PIBF1: variants seen among roughly 807,000 people sequenced by gnomAD.
The protein encoded by PIBF1 is progesterone-induced-blocking factor 1.
In PIBF1, 90 loss-of-function variants were observed where a neutral mutation model predicts 112.5. That is an observed-to-expected ratio of 0.80 (90% CI 0.67 to 0.95). PIBF1 has a LOEUF of 0.95. Among genes scored for constraint, PIBF1 ranks in the 40% least tolerant of loss-of-function variants. The pLI is 0.00. For missense variants in PIBF1, 915 were observed against 852.3 expected, an observed-to-expected ratio of 1.07 and a Z score of -0.92; for synonymous variants, 301 against 288.6, an observed-to-expected ratio of 1.04 and a Z score of -0.44.
chr13:72,784,762 AAATAAT>A (rs944923595), intron 2 of PIBF1, among the ~76,000 whole-genome samples: 2 of 152,154 alleles, frequency 1.3e-5, no homozygotes, highest in South Asian at 2.1e-4. Flanking sequence ...TATCTCAAAA[AAATAAT>A]AATAATAATT....
intron 16 of PIBF1, among the ~76,000 whole-genome samples, chr13:72,975,914 AT>A (rs879285262): frequency 2.9e-4 from 44 of 152,212 alleles, no homozygotes; most frequent in Admixed American, 1.4e-3. Flanking sequence ...TATCAACTAC[AT>A]TTTTTTAAAG....
intron 16 of PIBF1, among the ~76,000 whole-genome samples, chr13:72,995,792 A>G (rs76117400): frequency 0.1 from 15,598 of 151,860 alleles, 2,304 homozygotes; most frequent in African/African-American, 0.33. Context: ...TCTATTAAAA[A>G]TACAAAAATT....
chr13:72,858,508 G>T (rs190433794), intron 10 of PIBF1, among the ~76,000 whole-genome samples: 98 of 152,290 alleles, frequency 6.4e-4, no homozygotes, highest in African/African-American at 2.2e-3. Context: ...TACTCTTACA[G>T]AATACAACAA....
chr13:72,790,510 CATAGATAGATAGATAGATAGATAG>C (rs3078582), intron 2 of PIBF1, among the ~76,000 whole-genome samples: 39 of 140,150 alleles, frequency 2.8e-4, no homozygotes, highest in South Asian at 7.1e-4. Context: ...CACACACACA[CATAGATAGATAGATAGATAGATAG>C]ATAGATAGAT....
intron 13 of PIBF1, among the ~76,000 whole-genome samples, chr13:72,928,489 G>C (rs1199892470): frequency 1.3e-5 from 2 of 152,100 alleles, no homozygotes; most frequent in Non-Finnish European, 2.9e-5. Context: ...CCCCAGGCTG[G>C]AGTGTGATGG....
chr13:72,813,642 C>T (rs1008214175), intron 5 of PIBF1, among the ~76,000 whole-genome samples: 2 of 152,294 alleles, frequency 1.3e-5, no homozygotes, highest in South Asian at 4.1e-4. Flanking sequence ...AGTCTCACAG[C>T]ATGGCAGCTG....
intron 10 of PIBF1, among the ~76,000 whole-genome samples, chr13:72,856,413 C>G (rs1228554327): frequency 1.3e-5 from 2 of 152,070 alleles, no homozygotes; most frequent in Non-Finnish European, 2.9e-5. Context: ...ATAGTAAAGC[C>G]TTGCTTATTC....
chr13:72,998,848 C>T lies in PIBF1; in HGVS notation c.2076C>T (p.Leu692=), dbSNP rs374585242. 48 of 1,611,658 alleles carry T rather than the reference C, an allele frequency of 3.0e-5. No individual in the cohort carries two copies. Among genetic ancestry groups the T allele is most frequent in the Non-Finnish European group, 3.9e-5 (46 of 1,178,936 alleles). Residue 692 remains leucine (L), a synonymous_variant, in exon 17 of 18, where the codon CTC becomes CTT. Transcript: ENST00000326291. ...AATTGGCAGCAATGAAACAGATTCTCGTTAAGATGCATAGTAAACATTCTG... is the reference window on the plus strand; with the variant it reads ...AATTGGCAGCAATGAAACAGATTCTTGTTAAGATGCATAGTAAACATTCTG... ...REELAAMKQI[L]VKMHSKHSEN...
At position 72,870,509 on chromosome 13, in the gene PIBF1, G is replaced by A. The variant is rs112673916; in HGVS notation, c.1322+16354G>A. Among the ~76,000 whole-genome samples the A allele has an allele frequency of 3.0e-3, 463 of 152,264 alleles. 4 individuals are homozygous for A. The highest frequency in any genetic ancestry group is 0.01 in the African/African-American group (432 of 41,552). ...AAGTATCTCTCTAAACTTTCCTATG[G>A]TGGGCTAGAAATTGTTCAAGTCAAT... On this transcript the variant is annotated intron_variant, in intron 10 of 17. Transcript: ENST00000326291.
In PIBF1 at chr13:72,864,546, C is replaced by T. The variant is rs1022463485; in HGVS notation, c.1322+10391C>T. Among the ~76,000 whole-genome samples, 7 of 151,918 alleles carry T rather than the reference C, an allele frequency of 4.6e-5. No homozygotes were observed. The East Asian group carries it at 5.8e-4, about 13-fold the overall frequency. ...AAAGTAAGAGTGAGTTGTGTGTGTG[C>T]GCATGTGCGTGCATGTGTGTGTGTT... On this transcript the variant is annotated intron_variant, in intron 10 of 17. Coordinates refer to ENST00000326291, the MANE Select transcript of PIBF1 (RefSeq NM_006346.4).
rs2041762469 is a variant in PIBF1 at position 72,933,129 on chromosome 13, A to G, written c.1833+1862A>G. 3.3e-5 allele frequency among the ~76,000 whole-genome samples: 5 copies of G among 152,358 alleles called. No individual in the cohort carries two copies. In the South Asian group the frequency reaches 8.3e-4, roughly 25 times the overall value. ...CAAACAAACCTCTGTTTGCTAATAT[A>G]TTGTAGATCCCTCATGTTGCCTTTA... On this transcript the variant is annotated intron_variant, in intron 14 of 17. Transcript: ENST00000326291.
At chr13:72,956,024 G>A (rs1289914673) in intron 14 of PIBF1, among the ~76,000 whole-genome samples, 1 of 151,998 alleles carries the variant, frequency 6.6e-6, no homozygotes, top group East Asian at 1.9e-4. Context: ...CTGATAATTA[G>A]CCTATAAATA....
intron 4 of PIBF1, among the ~76,000 whole-genome samples, 186 bp from the exon 5 acceptor site, chr13:72,797,721 C>G (rs1270374235): frequency 1.3e-5 from 2 of 152,056 alleles, no homozygotes; most frequent in African/African-American, 4.8e-5. Flanking sequence ...TCATCTGGCC[C>G]TTGAGGGAAG....
In PIBF1 at chr13:72,805,825, A is replaced by G. The variant is rs546529093; in HGVS notation, c.672+7799A>G. Among the ~76,000 whole-genome samples the G allele has an allele frequency of 3.9e-5, 6 of 152,296 alleles. No individual in the cohort carries two copies. In the South Asian group the frequency reaches 1.2e-3, roughly 32 times the overall value. Reference sequence around the variant, plus strand: ...AAGACCTCCACACTTAAAACTGATAAAGCACTCTTTTATGCTTACTGAGCT... The same window carrying G: ...AAGACCTCCACACTTAAAACTGATAGAGCACTCTTTTATGCTTACTGAGCT... On this transcript the variant is annotated intron_variant, in intron 5 of 17. Coordinates refer to ENST00000326291, the MANE Select transcript of PIBF1 (RefSeq NM_006346.4).
chr13:72,862,910 A>G (rs914653885), intron 10 of PIBF1, among the ~76,000 whole-genome samples: 11 of 152,224 alleles, frequency 7.2e-5, no homozygotes, highest in Admixed American at 2.0e-4. Flanking sequence ...TTGGTTACAA[A>G]AGATTGTAAT....
At chr13:72,938,116 A>G (rs918983986) in intron 14 of PIBF1, among the ~76,000 whole-genome samples, 3 of 152,220 alleles carry the variant, frequency 2.0e-5, no homozygotes, top group Non-Finnish European at 2.9e-5. Flanking sequence ...TCTAGGTTAA[A>G]ATGCAATTCT....
chr13:72,867,734 A>T (rs909969859), intron 10 of PIBF1, among the ~76,000 whole-genome samples: 2 of 152,242 alleles, frequency 1.3e-5, no homozygotes, highest in Non-Finnish European at 2.9e-5. Context: ...TGTGCTTTTT[A>T]AAACTCCAAG....
intron 9 of PIBF1, among the ~76,000 whole-genome samples, chr13:72,847,089 G>A (rs1051000541): frequency 6.6e-6 from 1 of 152,116 alleles, no homozygotes; most frequent in Admixed American, 6.5e-5. Flanking sequence ...GTTTCATTTT[G>A]ATATGTTACC....
chr13:73,001,610 GTCT>G (rs1298774300), intron 17 of PIBF1, among the ~76,000 whole-genome samples: 1 of 26,680 alleles, frequency 3.7e-5, no homozygotes, highest in East Asian at 1.2e-3. Context: ...TGACACTTAG[GTCT>G]TCTTCTGAAG....
Sources: allele counts gnomAD v4.1 joint callset (sites outside exome capture counted in the v4.1 genomes callset), GRCh38; gene constraint gnomAD v4.1.1; transcripts MANE v1.5; gene names NCBI Gene and HGNC (gene_info 2026-07-23, HGNC 2026-07-21).